MAD1L1: variants seen among roughly 807,000 people sequenced by gnomAD.
The protein encoded by MAD1L1 is mitotic spindle assembly checkpoint protein MAD1.
MAD1L1 carries 95 observed loss-of-function variants against 96.9 expected under a neutral mutation model. The observed-to-expected ratio is 0.98, with a 90% CI of 0.83 to 1.16. The LOEUF is 1.16. MAD1L1 is among the 50% of genes most tolerant of loss of function. The pLI is 0.00. For missense variants in MAD1L1, 1,007 were observed against 954.4 expected (o/e 1.06, Z -0.73); for synonymous variants, 473 against 396.6 (o/e 1.19, Z -2.29).
At chr7:1,844,588 G>A (rs575656684) in intron 18 of MAD1L1, among the ~76,000 whole-genome samples, 2 of 152,240 alleles carry the variant, frequency 1.3e-5, no homozygotes, top group Admixed American at 6.5e-5. Context: ...GCCCAGGAAG[G>A]TGCTCCCCGA....
chr7:2,024,548 C>T (rs1021659078), intron 12 of MAD1L1, among the ~76,000 whole-genome samples: 2 of 152,234 alleles, frequency 1.3e-5, no homozygotes, highest in African/African-American at 2.4e-5. Context: ...AATGAGACCC[C>T]TCCCTGTAGA....
At chr7:2,221,709 A>C (rs1793618569) in intron 5 of MAD1L1, among the ~76,000 whole-genome samples, 1 of 152,238 alleles carries the variant, frequency 6.6e-6, no homozygotes, top group South Asian at 2.1e-4. Flanking sequence ...ATCCGACGCC[A>C]TCAGATGCCT....
At chr7:2,144,219 G>A (rs1030896961) in intron 11 of MAD1L1, among the ~76,000 whole-genome samples, 1 of 152,218 alleles carries the variant, frequency 6.6e-6, no homozygotes, top group African/African-American at 2.4e-5. Context: ...GCTTCCAGCT[G>A]GGAGCGTCTG....
chr7:2,044,709 G>A (rs1446393241), intron 12 of MAD1L1, among the ~76,000 whole-genome samples: 2 of 152,206 alleles, frequency 1.3e-5, no homozygotes, highest in African/African-American at 2.4e-5. Context: ...CACAGCCCAC[G>A]TGTTTCCCGC....
intron 18 of MAD1L1, among the ~76,000 whole-genome samples, chr7:1,824,771 T>G (rs1302088253): frequency 1.3e-5 from 2 of 152,126 alleles, no homozygotes; most frequent in Non-Finnish European, 2.9e-5. Context: ...GTCTTGAGGC[T>G]GTCAGGAAAT....
chr7:2,098,580 G>A (rs1051034186), intron 11 of MAD1L1, among the ~76,000 whole-genome samples: 1 of 152,164 alleles, frequency 6.6e-6, no homozygotes, highest in African/African-American at 2.4e-5. Context: ...CTACGCTAAG[G>A]ACGGCCCCCT....
At chr7:1,932,434 G>A (rs374650308) in intron 17 of MAD1L1, among the ~76,000 whole-genome samples, 5 of 152,354 alleles carry the variant, frequency 3.3e-5, no homozygotes, top group African/African-American at 4.8e-5. Context: ...GTGCGGGGCC[G>A]TCAAGTTTTT....
chr7:2,167,493 G>A (rs6972486), intron 10 of MAD1L1, among the ~76,000 whole-genome samples: 24 of 152,044 alleles, frequency 1.6e-4, no homozygotes, highest in African/African-American at 5.8e-4. Flanking sequence ...AGCTTGCAGT[G>A]AGCCGAGATC....
At position 1,832,930 on chromosome 7, in the gene MAD1L1, C is replaced by G. The variant is rs564637083; in HGVS notation, c.1999-16702G>C. Among the ~76,000 whole-genome samples the G allele has an allele frequency of 2.4e-4, 37 of 152,142 alleles. No homozygotes were observed. The South Asian group carries it at 7.7e-3, about 32-fold the overall frequency. The stretch of plus-strand genomic sequence containing the variant: ...TACAGGCTTGAGCCACAGCACCCAG[C>G]CCACTGGTGTTTTTAAGAAACTGTC... On this transcript the variant is annotated intron_variant, in intron 18 of 18. Transcript: ENST00000265854.
intron 17 of MAD1L1, among the ~76,000 whole-genome samples, chr7:1,914,225 G>A (rs1181509906): frequency 6.6e-6 from 1 of 152,224 alleles, no homozygotes; most frequent in African/African-American, 2.4e-5. Context: ...GCTGTGATGG[G>A]TGGCAGGAGA....
intron 16 of MAD1L1, among the ~76,000 whole-genome samples, chr7:1,946,356 C>T (rs1443419302): frequency 1.3e-5 from 2 of 152,218 alleles, no homozygotes; most frequent in East Asian, 3.9e-4. Flanking sequence ...CCGTTGGGGG[C>T]TGGCACCACT....
intron 16 of MAD1L1, among the ~76,000 whole-genome samples, chr7:1,943,043 C>T (rs2128467627): frequency 6.6e-6 from 1 of 152,268 alleles, no homozygotes; most frequent in South Asian, 2.1e-4. Context: ...GTCTTTTCAA[C>T]AAATGCTGCT....
At chr7:1,979,821 T>A (rs1417501242) in intron 15 of MAD1L1, among the ~76,000 whole-genome samples, 1 of 152,186 alleles carries the variant, frequency 6.6e-6, no homozygotes, top group Non-Finnish European at 1.5e-5. Flanking sequence ...GGCACAGCAC[T>A]GCCATGCAGC....
intron 1 of MAD1L1, among the ~76,000 whole-genome samples, chr7:2,231,402 C>T (rs2115032317): frequency 6.6e-6 from 1 of 152,052 alleles, no homozygotes; most frequent in South Asian, 2.1e-4. Flanking sequence ...GGCAGATCAC[C>T]ACAGGTCAGG....
At chr7:1,868,765 T>C (rs73286699) in intron 18 of MAD1L1, among the ~76,000 whole-genome samples, 1 of 152,196 alleles carries the variant, frequency 6.6e-6, no homozygotes, top group Non-Finnish European at 1.5e-5. Context: ...CAGGACGCAG[T>C]GACGACCACC....
intron 5 of MAD1L1, among the ~76,000 whole-genome samples, 174 bp from the exon 6 acceptor site, chr7:2,219,630 G>A: frequency 7.4e-6 from 1 of 135,614 alleles, no homozygotes; most frequent in Non-Finnish European, 1.7e-5. Flanking sequence ...CAGAGGGGTA[G>A]GGGGGCAGAG....
chr7:1,847,908 G>A (rs1407333483), intron 18 of MAD1L1: 4 of 357,660 alleles, frequency 1.1e-5, no homozygotes, highest in South Asian at 6.2e-5. Context: ...TCTCACCCAC[G>A]CAGCTGCTCA....
intron 10 of MAD1L1, among the ~76,000 whole-genome samples, chr7:2,171,315 T>C (rs763903877): frequency 6.6e-6 from 1 of 152,206 alleles, no homozygotes; most frequent in African/African-American, 2.4e-5. Context: ...CAACCTAGGC[T>C]CTTACCCAGT....
chr7:1,857,735 G>T (rs758067386), intron 18 of MAD1L1, among the ~76,000 whole-genome samples: 2 of 152,216 alleles, frequency 1.3e-5, no homozygotes, highest in African/African-American at 2.4e-5. Context: ...AGGGGCCGGG[G>T]GACGTCCTGG....
Sources: gnomAD v4.1 joint callset for allele counts (sites outside exome capture counted in the v4.1 genomes callset) on GRCh38, gnomAD v4.1.1 for gene constraint, MANE v1.5 for transcripts, NCBI Gene and HGNC (gene_info 2026-07-23, HGNC 2026-07-21) for gene names.